The following GPR26 variants were observed in gnomAD, a reference collection of about 807,000 sequenced individuals.
GPR26 encodes G protein-coupled receptor 26.
GPR26 carries 15 observed loss-of-function variants against 23.1 expected under a neutral mutation model. That is an observed-to-expected ratio of 0.65 (90% CI 0.43 to 1.00). The LOEUF (loss-of-function observed/expected upper bound fraction) is 1.00. Ranked by LOEUF, GPR26 falls within the 50% of genes least tolerant of loss-of-function variation. The probability of loss-of-function intolerance (pLI) is 0.00; values close to 1 mark genes in which losing one functional copy is unlikely to be tolerated. For synonymous variants in GPR26, 228 were observed against 222.1 expected, an observed-to-expected ratio of 1.03 and a Z score of -0.24; for missense variants, 359 against 470.5, an observed-to-expected ratio of 0.76 and a Z score of 2.19.
chr10:123,686,675 C>G (rs566554387), intron 2 of GPR26, among the ~76,000 whole-genome samples: 1 of 152,316 alleles, frequency 6.6e-6, no homozygotes, highest in African/African-American at 2.4e-5. Flanking sequence ...TCAGTTCTTT[C>G]TGTACCTGGG....
At chr10:123,678,841 G>A (rs1845336954) in intron 2 of GPR26, among the ~76,000 whole-genome samples, 1 of 152,108 alleles carries the variant, frequency 6.6e-6, no homozygotes, top group Admixed American at 6.5e-5. Context: ...GGTGTGGAGG[G>A]GACAGGATTA....
chr10:123,669,475 C>G (rs1359660126), intron 1 of GPR26, among the ~76,000 whole-genome samples: 2 of 152,232 alleles, frequency 1.3e-5, no homozygotes, highest in Non-Finnish European at 2.9e-5. Context: ...GGCAGTGAGC[C>G]TCTCAGGGCC....
intron 2 of GPR26, among the ~76,000 whole-genome samples, chr10:123,675,820 G>A (rs920029940): frequency 9.6e-4 from 23 of 23,896 alleles, no homozygotes; most frequent in Non-Finnish European, 1.7e-3. Context: ...GTGTGTGTAC[G>A]TGTGTGTGTG....
At position 123,690,569 on chromosome 10, in the gene GPR26, C is replaced by T. The variant is rs181525776; in HGVS notation, c.*2409C>T. 4 of 152,268 alleles carry T rather than the reference C, an allele frequency of 2.6e-5. No homozygotes were observed. The highest frequency in any genetic ancestry group is 9.6e-5 in the African/African-American group (4 of 41,554). 9.4% of individuals were successfully genotyped at this position (152,268 alleles called of 1,614,324 possible). ...GCTTTTCATAATTTTCACTATACCT[C>T]TAAAACCAATTGTACCGACATCACG... On this transcript the variant is annotated 3_prime_UTR_variant, in exon 3 of 3. Transcript: ENST00000284674.
intron 1 of GPR26, among the ~76,000 whole-genome samples, chr10:123,673,615 T>G (rs1465601538): frequency 6.6e-6 from 1 of 152,192 alleles, no homozygotes; most frequent in East Asian, 1.9e-4. Flanking sequence ...CCATGGGGAT[T>G]TGGGAGTCTC....
chr10:123,674,209 C>T lies in GPR26; in HGVS notation c.669-609C>T, dbSNP rs764956589. Among the ~76,000 whole-genome samples, 8 of 152,172 alleles carry T rather than the reference C, an allele frequency of 5.3e-5. No individual in the cohort carries two copies. Among genetic ancestry groups the T allele is most frequent in the South Asian group, 2.1e-4 (1 of 4,830 alleles). On this transcript the variant is annotated intron_variant, in intron 1 of 2. Coordinates refer to ENST00000284674, the MANE Select transcript of GPR26 (RefSeq NM_153442.4). The surrounding 1 kb of genome is among the most constrained non-coding windows in gnomAD (Gnocchi z 4.1). ...CCGACCTCAGGTGATCCACCCACTT[C>T]GGCCTCCCAAAGTGCTGGGATTACA...
intron 2 of GPR26, among the ~76,000 whole-genome samples, chr10:123,685,849 A>G (rs1244664184): frequency 6.6e-6 from 1 of 152,174 alleles, no homozygotes. Flanking sequence ...TCTGAGCCTC[A>G]ATTTCCTCAC....
At chr10:123,667,198 G>A (rs2133920295) in intron 1 of GPR26, 123 bp downstream of exon 1, 1 of 783,782 alleles carries the variant, frequency 1.3e-6, no homozygotes, top group Non-Finnish European at 2.0e-6. Flanking sequence ...CTCGAGGGTG[G>A]GGAAAGCGGC....
chr10:123,675,798 C>CTGTGTGTGTGTGTGTGTACGTG (rs1845298049), intron 2 of GPR26, among the ~76,000 whole-genome samples: 1 of 142,632 alleles, frequency 7.0e-6, no homozygotes, highest in Non-Finnish European at 1.5e-5. Flanking sequence ...GCAGGGTTTT[C>CTGTGTGTGTGTGTGTGTACGTG]TGTGTGTGTG....
Position 123,695,007 on chromosome 10 carries a change from G to A in GPR26, c.*6847G>A, listed in dbSNP as rs1845526986. Among the ~76,000 whole-genome samples the A allele has an allele frequency of 1.3e-5, 2 of 152,110 alleles. No homozygotes were observed. On this transcript the variant is annotated 3_prime_UTR_variant, in exon 3 of 3. Coordinates refer to ENST00000284674, the MANE Select transcript of GPR26 (RefSeq NM_153442.4). ...TGATGGGCACTGCCACATACCCCCA[G>A]GACAAACGGAAAAATCCACACAGCA...
In GPR26 at chr10:123,666,910, G is replaced by T. The variant is rs550316766; in HGVS notation, c.503G>T (p.Arg168Leu). The change falls in exon 1 of 3, where the codon CGC (arginine) becomes CTC (leucine). Residue 168 changes from arginine to leucine, a missense_variant. By Grantham distance (102) the Arg-to-Leu change is moderately radical. Transcript: ENST00000284674. The part of the protein sequence containing the change: ...LCSRRPDERL[R>L]FAVFTGAFHA... ...AGCCGGCGGCCAGACGAGCGCCTGC[G>T]CTTCGCCGTCTTCACTGGCGCCTTC... The T allele has an allele frequency of 1.9e-6, 3 of 1,612,892 alleles. No individual in the cohort carries two copies. The South Asian group carries it at 3.3e-5, about 18-fold the overall frequency.
intron 2 of GPR26, among the ~76,000 whole-genome samples, chr10:123,682,208 G>T (rs1468090995): frequency 6.6e-6 from 1 of 152,138 alleles, no homozygotes; most frequent in Non-Finnish European, 1.5e-5. Context: ...AGCAAAATTG[G>T]TGGGTTCCCC....
chr10:123,670,350 A>G (rs373521053), intron 1 of GPR26, among the ~76,000 whole-genome samples: 3 of 152,232 alleles, frequency 2.0e-5, no homozygotes, highest in African/African-American at 7.2e-5. Context: ...ACCTAATTCA[A>G]CAGATCTAGA....
rs1363356339 is a variant in GPR26 at position 123,691,369 on chromosome 10, G to A, written c.*3209G>A. The A allele has an allele frequency of 6.6e-6, 1 of 152,158 alleles. No homozygotes were observed. Among genetic ancestry groups the A allele is most frequent in the Non-Finnish European group, 1.5e-5 (1 of 68,020 alleles). The allele number at this position is 152,158 out of a possible 1,614,324, so 9.4% of individuals were successfully genotyped here. ...TCAGCTCAGCCTCCTGTCCCCATGA[G>A]CAATAAAACTCTCTCCTTATGTCTG... On this transcript the variant is annotated 3_prime_UTR_variant, in exon 3 of 3. Transcript: ENST00000284674.
At chr10:123,676,353 C>T (rs1845310455) in intron 2 of GPR26, among the ~76,000 whole-genome samples, 1 of 152,178 alleles carries the variant, frequency 6.6e-6, no homozygotes, top group African/African-American at 2.4e-5. Context: ...CTTTCTAAAA[C>T]TGTCCGCTAG....
chr10:123,676,300 A>G (rs1384013279), intron 2 of GPR26, among the ~76,000 whole-genome samples: 1 of 152,130 alleles, frequency 6.6e-6, no homozygotes, highest in African/African-American at 2.4e-5. Flanking sequence ...GCCTGTCTGC[A>G]GGTCTCTGGA....
intron 2 of GPR26, among the ~76,000 whole-genome samples, chr10:123,685,766 T>C (rs1335622652): frequency 6.6e-6 from 1 of 152,236 alleles, no homozygotes; most frequent in Admixed American, 6.5e-5. Context: ...GCGTGGCCAC[T>C]AGCCAGGACT....
chr10:123,666,842 C>T lies in GPR26; in HGVS notation c.435C>T (p.Ser145=), dbSNP rs754391909. ...TCCCAGCCGCCGCGCTCGCCCTGTC[C>T]TGGCTCGGCTTCCACCAGCTGTACG... is the stretch of plus-strand genomic sequence containing the variant. ...LTFPAAALAL[S]WLGFHQLYAS... is the part of the protein sequence containing the mutation. Residue 145 remains serine (S), a synonymous_variant, in exon 1 of 3, where the codon TCC becomes TCT. Transcript: ENST00000284674. The T allele has an allele frequency of 1.1e-5, 18 of 1,610,770 alleles. No homozygotes were observed. In the African/African-American group the frequency reaches 2.4e-4, roughly 21 times the overall value.
At chr10:123,687,362 G>A (rs981838643) in intron 2 of GPR26, among the ~76,000 whole-genome samples, 1 of 152,126 alleles carries the variant, frequency 6.6e-6, no homozygotes, top group Admixed American at 6.5e-5. Flanking sequence ...CAAACAATGG[G>A]ACCAGACTCT....
Sources: gnomAD v4.1 joint callset for allele counts (sites outside exome capture counted in the v4.1 genomes callset) on GRCh38, gnomAD v4.1.1 for gene constraint, Gnocchi (gnomAD v3.1) non-coding constraint, MANE v1.5 for transcripts, NCBI Gene and HGNC (gene_info 2026-07-23, HGNC 2026-07-21) for gene names.